The following ALDH3A1 variants were observed in gnomAD, a reference collection of about 807,000 sequenced individuals.
ALDH3A1 encodes aldehyde dehydrogenase 3 family member A1.
Under a neutral mutation model 49.9 loss-of-function variants are expected in ALDH3A1, and 46 were observed. The observed-to-expected ratio is 0.92, with a 90% CI of 0.73 to 1.18. The LOEUF is 1.18. Among genes scored for constraint, ALDH3A1 ranks in the 50% most tolerant of loss-of-function variants. The pLI is 0.00. For synonymous variants in ALDH3A1, 269 were observed against 253.3 expected, an observed-to-expected ratio of 1.06 and a Z score of -0.59; for missense variants, 592 against 611.8, an observed-to-expected ratio of 0.97 and a Z score of 0.34.
chr17:19,738,005 A>G lies in ALDH3A1; in HGVS notation c.*216T>C. 6.8e-7 allele frequency: 1 copy of G among 1,481,228 alleles called. No individual in the cohort carries two copies. Among genetic ancestry groups the G allele is most frequent in the Non-Finnish European group, 9.0e-7 (1 of 1,112,376 alleles). The allele number at this position is 1,481,228 out of a possible 1,614,324, so 91.8% of individuals were successfully genotyped here. On this transcript the variant is annotated 3_prime_UTR_variant, in exon 11 of 11. Coordinates refer to ENST00000225740, the MANE Select transcript of ALDH3A1 (RefSeq NM_000691.5). Reference sequence around the variant, plus strand: ...TGCATTTGCTGAGTTAGAAAATTGTATTCGTCTCTTTATTGGTCTAGAAAG... The same window carrying G: ...TGCATTTGCTGAGTTAGAAAATTGTGTTCGTCTCTTTATTGGTCTAGAAAG...
chr17:19,739,113 C>T lies in ALDH3A1; in HGVS notation c.1117-18G>A. 2 of 1,607,586 alleles carry T rather than the reference C, an allele frequency of 1.2e-6. No individual in the cohort carries two copies. Among genetic ancestry groups the T allele is most frequent in the Non-Finnish European group, 1.7e-6 (2 of 1,177,372 alleles). ...TTAATCACCTGCACCAGGACCCAGC[C>T]ACTGGCCTCAGTCTCCTGCCCACAG... On this transcript the variant is annotated intron_variant, in intron 8 of 10. Transcript: ENST00000225740.
chr17:19,740,802 T>C (rs1216757222), intron 6 of ALDH3A1, among the ~76,000 whole-genome samples: 3 of 152,098 alleles, frequency 2.0e-5, no homozygotes, highest in Non-Finnish European at 4.4e-5. Flanking sequence ...ACAACAGGCA[T>C]GCACCACCAT....
At position 19,744,955 on chromosome 17, in the gene ALDH3A1, C is replaced by A; in HGVS notation, c.162+13G>T. 1 of 1,547,116 alleles carries A rather than the reference C, an allele frequency of 6.5e-7. No individual in the cohort carries two copies. The highest frequency in any genetic ancestry group is 2.6e-5 in the East Asian group (1 of 38,468). Reference sequence around the variant, plus strand: ...CCCGACACTGGCAGAAGGCGGCCGCCCAGCCTGAGCACCTTGTGCAGGTCT... The same window carrying A: ...CCCGACACTGGCAGAAGGCGGCCGCACAGCCTGAGCACCTTGTGCAGGTCT... On this transcript the variant is annotated intron_variant, in intron 2 of 10. Coordinates refer to ENST00000225740, the MANE Select transcript of ALDH3A1 (RefSeq NM_000691.5).
In ALDH3A1 at chr17:19,740,479, T is replaced by C. The variant is rs753852912; in HGVS notation, c.808-2A>G. The C allele has an allele frequency of 3.8e-5, 62 of 1,613,786 alleles. No individual in the cohort carries two copies. Among genetic ancestry groups the C allele is most frequent in the Non-Finnish European group, 5.1e-5 (60 of 1,179,996 alleles). Reference sequence around the variant, plus strand: ...CTTAGCATCTTCCCCGTAGAACTCCTGTGGAGAAGAGGTGGGGGCTTCGGG... The same window carrying C: ...CTTAGCATCTTCCCCGTAGAACTCCCGTGGAGAAGAGGTGGGGGCTTCGGG... On this transcript the variant is annotated splice_acceptor_variant, in intron 6 of 10. Transcript: ENST00000225740. LOFTEE classifies it high-confidence loss of function.
chr17:19,738,014 T>C lies in ALDH3A1; in HGVS notation c.*207A>G. 6.7e-7 allele frequency: 1 copy of C among 1,493,716 alleles called. No homozygotes were observed. Among genetic ancestry groups the C allele is most frequent in the Non-Finnish European group, 8.9e-7 (1 of 1,120,994 alleles). The allele number at this position is 1,493,716 out of a possible 1,614,324, so 92.5% of individuals were successfully genotyped here. Reference sequence around the variant, plus strand: ...TGAGTTAGAAAATTGTATTCGTCTCTTTATTGGTCTAGAAAGGGGTGGAGA... The same window carrying C: ...TGAGTTAGAAAATTGTATTCGTCTCCTTATTGGTCTAGAAAGGGGTGGAGA... On this transcript the variant is annotated 3_prime_UTR_variant, in exon 11 of 11. Transcript: ENST00000225740.
rs114721010 is a variant in ALDH3A1, at chr17:19,739,035, C to T, written c.1177G>A (p.Val393Ile). The change falls in exon 9 of 11, where the codon GTC becomes ATC. Residue 393 changes from valine (V) to isoleucine (I), a missense_variant. Coordinates refer to ENST00000225740, the MANE Select transcript of ALDH3A1 (RefSeq NM_000691.5). ...SGGVAANDVI[V>I]HITLHSLPFG... ...GGCAGAGAGTGCAAGGTGATGTGGA[C>T]GATGACATCGTTGGCCGCCACCCCA... 8.7e-4 allele frequency: 1,407 copies of T among 1,613,898 alleles called. 12 individuals are homozygous for T. In the African/African-American group the frequency reaches 0.017, roughly 19 times the overall value.
At chr17:19,744,895 T>TGCCCCGCCCCC in intron 2 of ALDH3A1, 73 bp downstream of exon 2, 1 of 924,174 alleles carries the variant, frequency 1.1e-6, no homozygotes, top group Non-Finnish European at 1.4e-6. Flanking sequence ...GGTCGCACTC[T>TGCCCCGCCCCC]CCCCAGCCCC....
rs754646038 is a variant in ALDH3A1, at chr17:19,742,118, AC to A, written c.574del (p.Val192TrpfsTer6). 26 of 1,613,190 alleles carry A rather than the reference AC, an allele frequency of 1.6e-5. No individual in the cohort carries two copies. The South Asian group carries it at 2.7e-4, about 17-fold the overall frequency. The part of the protein sequence containing the change: ...DHILYTGSTG[V>X]GKIIMTAAAK... ...AGCAGCCGTCATGATGATCTTCCCC[AC>A]CCCCGTGCTGCCCGTGTACAGGATA... On this transcript the variant is annotated frameshift_variant, in exon 5 of 11. Transcript: ENST00000225740. LOFTEE classifies it high-confidence loss of function.
At chr17:19,744,901 G>GACCCC in intron 2 of ALDH3A1, 67 bp downstream of exon 2, 1 of 434,632 alleles carries the variant, frequency 2.3e-6, no homozygotes, top group Non-Finnish European at 3.2e-6. Context: ...ACTCTCCCCA[G>GACCCC]CCCCTCCCCC....
At position 19,739,077 on chromosome 17, in the gene ALDH3A1, C is replaced by T. The variant is rs761158700; in HGVS notation, c.1135G>A (p.Ala379Thr). Residue 379 changes from alanine to threonine, a missense_variant, in exon 9 of 11, where the codon GCA (alanine) becomes ACA (threonine). Transcript: ENST00000225740. ...SNDKVIKKMI[A>T]ETSSGGVAAN... is the part of the protein sequence containing the mutation. The stretch of plus-strand genomic sequence containing the variant: ...GCCACCCCACCACTGGATGTCTCTG[C>T]AATCATCTTCTTAATCACCTGCACC... 3 of 1,613,758 alleles carry T rather than the reference C, an allele frequency of 1.9e-6. No individual in the cohort carries two copies. The highest frequency in any genetic ancestry group is 1.1e-5 in the South Asian group (1 of 91,010).
intron 2 of ALDH3A1, 155 bp downstream of exon 2, chr17:19,744,812 GA>G: frequency 7.4e-7 from 1 of 1,356,688 alleles, no homozygotes; most frequent in Non-Finnish European, 9.5e-7. Context: ...GGGCGCGGCG[GA>G]GGGGAGGGCG....
At position 19,738,855 on chromosome 17, in the gene ALDH3A1, G is replaced by A. The variant is rs557323547; in HGVS notation, c.1216+141C>T. ...GTTAAGTGTGTCTGATGGATGGCAC[G>A]CAGAGGCCAAGGTCCAAATGGAAGA... On this transcript the variant is annotated intron_variant, in intron 9 of 10. Transcript: ENST00000225740. 8.8e-5 allele frequency: 62 copies of A among 705,464 alleles called. 1 individual carries two copies. Among genetic ancestry groups the A allele is most frequent in the South Asian group, 2.7e-4 (15 of 54,814 alleles). 43.7% of individuals were successfully genotyped at this position (705,464 alleles called of 1,614,324 possible).
intron 1 of ALDH3A1, among the ~76,000 whole-genome samples, chr17:19,746,407 T>G (rs1188247407): frequency 1.3e-5 from 2 of 152,072 alleles, no homozygotes; most frequent in African/African-American, 4.8e-5. Context: ...AGAGTTCTCC[T>G]ATTAGATTAG....
Position 19,744,000 on chromosome 17 carries a change from T to G in ALDH3A1, c.163-537A>C. 1.0e-6 allele frequency: 1 copy of G among 985,324 alleles called. No homozygotes were observed. The highest frequency in any genetic ancestry group is 1.2e-6 in the Non-Finnish European group (1 of 829,888). 61.0% of individuals were successfully genotyped at this position (985,324 alleles called of 1,614,324 possible). ...GACGGCGGAAAACGCGTCTCTTTTA[T>G]AAACTTGGGCTGTGAAGAGCAACAC... is the stretch of plus-strand genomic sequence containing the variant. On this transcript the variant is annotated intron_variant, in intron 2 of 10. Transcript: ENST00000225740. This position sits in a 1 kb window ranked among gnomAD's most constrained non-coding sequence, Gnocchi z 4.4.
chr17:19,747,634 C>T (rs929184347), intron 1 of ALDH3A1, among the ~76,000 whole-genome samples: 3 of 152,104 alleles, frequency 2.0e-5, no homozygotes, highest in Non-Finnish European at 4.4e-5. Flanking sequence ...ACCATCACGT[C>T]GCAGCTGCAC....
intron 1 of ALDH3A1, chr17:19,745,776 T>G (rs998157771): frequency 1.3e-5 from 2 of 152,078 alleles, no homozygotes; most frequent in Non-Finnish European, 2.9e-5. Flanking sequence ...TAGTGGCAAA[T>G]CGGGATGGCC....
Position 19,738,178 on chromosome 17 carries a change from C to G in ALDH3A1, c.*43G>C. ...GAGCCAGTGAGGGTGGTCCGCACTC[C>G]GATGGGACACAGTATGGCCAGGCCA... On this transcript the variant is annotated 3_prime_UTR_variant, in exon 11 of 11. Coordinates refer to ENST00000225740, the MANE Select transcript of ALDH3A1 (RefSeq NM_000691.5). 6.2e-7 allele frequency: 1 copy of G among 1,613,354 alleles called. No individual in the cohort carries two copies.
At chr17:19,745,307 C>CCTGGGCCCTGGCTGCCTTG (rs1363904178) in intron 1 of ALDH3A1, 173 bp from the exon 2 acceptor site, 6 of 657,198 alleles carry the variant, frequency 9.1e-6, no homozygotes, top group Non-Finnish European at 1.4e-5. Context: ...CACTCAGACG[C>CCTGGGCCCTGGCTGCCTTG]CTGGGCCCTG....
chr17:19,741,743 C>T (rs989959527), intron 5 of ALDH3A1, among the ~76,000 whole-genome samples: 4 of 152,128 alleles, frequency 2.6e-5, no homozygotes, highest in Non-Finnish European at 1.5e-5. Flanking sequence ...CTTGGAGTAC[C>T]ACTTCCCCAG....
Sources: allele counts gnomAD v4.1 joint callset (sites outside exome capture counted in the v4.1 genomes callset), GRCh38; gene constraint gnomAD v4.1.1; non-coding constraint Gnocchi (gnomAD v3.1); transcripts MANE v1.5; gene names NCBI Gene and HGNC (gene_info 2026-07-23, HGNC 2026-07-21).